Variants in ATP7A observed in about 807,000 individuals in gnomAD.
ATP7A encodes ATPase copper transporting alpha.
In ATP7A, 7 loss-of-function variants were observed where a neutral mutation model predicts 83.5. The ratio of observed to expected loss-of-function variants is 0.08; its 90% CI spans 0.05 to 0.16. ATP7A has a LOEUF of 0.16. ATP7A is among the 10% of genes least tolerant of loss of function. The pLI is 1.00. For synonymous variants in ATP7A, 354 were observed against 395.2 expected (o/e 0.90, Z 1.24); for missense variants, 940 against 1,120.8 (o/e 0.84, Z 2.30).
intron 4 of ATP7A, 115 bp from the exon 5 acceptor site, chrX:77,998,363 G>A: frequency 1.4e-6 from 1 of 736,766 alleles, no homozygotes; most frequent in Non-Finnish European, 2.1e-6. Context: ...GTAGGAACTT[G>A]CTCGTTTTAA....
intron 1 of ATP7A, among the ~76,000 whole-genome samples, chrX:77,921,926 A>G (rs2077218021): frequency 9.1e-6 from 1 of 110,376 alleles, no homozygotes; most frequent in South Asian, 3.8e-4. Context: ...AAATAAAAAT[A>G]AAAATATTAG....
At chrX:78,041,811 C>G (rs1557238442) in intron 19 of ATP7A, among the ~76,000 whole-genome samples, 1 of 110,782 alleles carries the variant, frequency 9.0e-6, no homozygotes, top group Non-Finnish European at 1.9e-5. Flanking sequence ...GGAGCTTCAT[C>G]CATATCTGAA....
intron 1 of ATP7A, among the ~76,000 whole-genome samples, chrX:77,936,654 C>G (rs1238691365): frequency 1.8e-5 from 2 of 112,146 alleles, no homozygotes; most frequent in Non-Finnish European, 3.8e-5. Context: ...CAAAGAAAGA[C>G]TTTGAAAGAA....
chrX:77,939,031 C>T (rs782097093), intron 1 of ATP7A, among the ~76,000 whole-genome samples: 44 of 111,555 alleles, frequency 3.9e-4, no homozygotes, highest in Non-Finnish European at 7.3e-4. Context: ...CGTGGTGGCT[C>T]ACACCTGTAA....
At chrX:78,015,732 T>A (rs782816654) in intron 11 of ATP7A, 22 bp from the exon 12 acceptor site, 1 of 1,209,113 alleles carries the variant, frequency 8.3e-7, no homozygotes, top group Admixed American at 2.2e-5. Context: ...TCATGGTGCT[T>A]TTTATGTTAA....
intron 17 of ATP7A, among the ~76,000 whole-genome samples, chrX:78,037,855 G>A (rs919370668): frequency 4.6e-5 from 5 of 109,764 alleles, no homozygotes; most frequent in Admixed American, 2.0e-4. Context: ...AATAAATGGG[G>A]TAGGTTCACA....
chrX:78,021,771 A>G lies in ATP7A; in HGVS notation c.2916+692A>G, dbSNP rs6622665. Among the ~76,000 whole-genome samples the G allele has an allele frequency of 1.3e-3, 149 of 111,833 alleles. No individual in the cohort carries two copies. In the East Asian group the frequency reaches 0.032, roughly 24 times the overall value. ...ATTAGTATAGGTGAAAGCATCTAAC[A>G]TATTGACAGATGCAGGTGACAGCCA... is the stretch of plus-strand genomic sequence containing the variant. On this transcript the variant is annotated intron_variant, in intron 14 of 22. Coordinates refer to ENST00000341514, the MANE Select transcript of ATP7A (RefSeq NM_000052.7).
rs376584633 is a variant in ATP7A at position 78,046,597 on chromosome X, A to G, written c.*27A>G. 1.7e-5 allele frequency: 20 copies of G among 1,205,481 alleles called. No individual in the cohort carries two copies. The highest frequency in any genetic ancestry group is 2.2e-5 in the Non-Finnish European group (20 of 891,493). The stretch of plus-strand genomic sequence containing the variant: ...AGGCCATGGAGAGTGCTGCCAGTTT[A>G]ACTTGTCATGCACTGACACAGCATT... On this transcript the variant is annotated 3_prime_UTR_variant, in exon 23 of 23. Transcript: ENST00000341514.
chrX:78,031,306 A>G (rs1377560479), intron 15 of ATP7A, 94 bp from the exon 16 acceptor site: 1 of 881,253 alleles, frequency 1.1e-6, no homozygotes, highest in African/African-American at 2.0e-5. Flanking sequence ...TAAGAAACTA[A>G]ATAGTCATCT....
chrX:78,020,245 G>T lies in ATP7A; in HGVS notation c.2628G>T (p.Gly876=). The change falls in exon 13 of 23, where the codon GGG becomes GGT. Residue 876 remains glycine (G), a splice_region_variant and synonymous_variant. Coordinates refer to ENST00000341514, the MANE Select transcript of ATP7A (RefSeq NM_000052.7). ...AATCTATCTTTACTCTCCATACAGG[G>T]GAGGCAATGCCTGTGGCTAAGAAAC... ...HSMVDESLIT[G]EAMPVAKKPG... 8.3e-7 allele frequency: 1 copy of T among 1,210,294 alleles called. No individual in the cohort carries two copies. The highest frequency in any genetic ancestry group is 1.8e-5 in the South Asian group (1 of 56,959).
chrX:77,985,145 A>T (rs1182830579), intron 2 of ATP7A, among the ~76,000 whole-genome samples: 1 of 110,297 alleles, frequency 9.1e-6, no homozygotes, highest in African/African-American at 3.3e-5. Context: ...CAGCCCCTTG[A>T]GCAGCTGGGA....
At chrX:77,951,244 G>A (rs1349567143) in intron 1 of ATP7A, among the ~76,000 whole-genome samples, 1 of 111,285 alleles carries the variant, frequency 9.0e-6, no homozygotes, top group African/African-American at 3.3e-5. Context: ...TTCCTTTACA[G>A]TTTCTGTTTT....
rs1382938061 is a variant in ATP7A, at chrX:78,014,684, C to T, written c.2429C>T (p.Ala810Val). The T allele has an allele frequency of 8.3e-7, 1 of 1,208,326 alleles. No homozygotes were observed. Among genetic ancestry groups the T allele is most frequent in the Admixed American group, 2.2e-5 (1 of 45,927 alleles). Residue 810 changes from alanine (A) to valine (V), a missense_variant, in exon 11 of 23, where the codon GCA becomes GTA. Coordinates refer to ENST00000341514, the MANE Select transcript of ATP7A (RefSeq NM_000052.7). ...TAGGGCAAAACATCAGAGGCTCTTG[C>T]AAAGTTAATTTCACTACAAGCTACA... ...IAKGKTSEAL[A>V]KLISLQATEA...
intron 4 of ATP7A, among the ~76,000 whole-genome samples, chrX:77,993,584 C>T (rs782325043): frequency 2.7e-5 from 3 of 111,577 alleles, no homozygotes; most frequent in Non-Finnish European, 5.6e-5. Context: ...AACAACATTT[C>T]GATCAACAAT....
intron 6 of ATP7A, among the ~76,000 whole-genome samples, chrX:78,006,795 T>C (rs1218526047): frequency 2.7e-5 from 3 of 112,389 alleles, no homozygotes; most frequent in African/African-American, 9.7e-5. Flanking sequence ...CCATAGTGTA[T>C]TCATGGTTGA....
chrX:77,987,216 C>T (rs1034477452), intron 2 of ATP7A, among the ~76,000 whole-genome samples: 3 of 111,621 alleles, frequency 2.7e-5, no homozygotes, highest in Admixed American at 9.6e-5. Context: ...CAGTTCCTGA[C>T]GCACATAATA....
chrX:77,959,891 C>T (rs1557227876), intron 1 of ATP7A, among the ~76,000 whole-genome samples: 1 of 112,035 alleles, frequency 8.9e-6, no homozygotes, highest in Non-Finnish European at 1.9e-5. Context: ...TTCAACTCTA[C>T]CGGCTATCAT....
At chrX:77,974,884 T>C in intron 2 of ATP7A, 1 of 285,420 alleles carries the variant, frequency 3.5e-6, no homozygotes. Flanking sequence ...AGAAACTATT[T>C]TTTTTTATTA....
chrX:78,039,024 A>G, intron 18 of ATP7A, 42 bp downstream of exon 18: 2 of 1,181,025 alleles, frequency 1.7e-6, no homozygotes, highest in Non-Finnish European at 1.1e-6. Flanking sequence ...ATGTTTTGTT[A>G]TTGTTTTATT....
Sources: allele counts gnomAD v4.1 joint callset (sites outside exome capture counted in the v4.1 genomes callset), GRCh38; gene constraint gnomAD v4.1.1; transcripts MANE v1.5; gene names NCBI Gene and HGNC (gene_info 2026-07-23, HGNC 2026-07-21).